The following TRRAP variants were observed in gnomAD, a reference collection of about 807,000 sequenced individuals.
TRRAP encodes the protein transformation/transcription domain-associated protein.
Under a neutral mutation model 438.8 loss-of-function variants are expected in TRRAP, and 41 were observed. The observed-to-expected ratio is 0.09, with a 90% CI of 0.07 to 0.12. The LOEUF is 0.12. TRRAP is among the 10% of genes least tolerant of loss of function. The pLI, the probability that TRRAP is intolerant of heterozygous loss-of-function variation, is 1.00. For synonymous variants in TRRAP, 1,994 were observed against 1,962.9 expected (o/e 1.02, Z -0.42); for missense variants, 3,122 against 5,055.1 (o/e 0.62, Z 11.60).
chr7:98,900,045 C>T (rs1278427981), intron 10 of TRRAP, among the ~76,000 whole-genome samples: 1 of 152,158 alleles, frequency 6.6e-6, no homozygotes, highest in Non-Finnish European at 1.5e-5. Context: ...CATGTCCAAG[C>T]CTTGCTCACC....
chr7:98,964,160 T>TAA (rs1792051624), intron 47 of TRRAP, among the ~76,000 whole-genome samples: 3 of 152,146 alleles, frequency 2.0e-5, no homozygotes, highest in Non-Finnish European at 4.4e-5. Context: ...AAGATAATTC[T>TAA]ACTCAGTGTT....
intron 12 of TRRAP, 89 bp from the exon 13 acceptor site, chr7:98,906,088 G>A (rs939547341): frequency 1.4e-5 from 16 of 1,165,578 alleles, no homozygotes; most frequent in Admixed American, 1.1e-4. Context: ...TCAGACTGGC[G>A]GGCTGGCTAC....
intron 10 of TRRAP, 121 bp from the exon 11 acceptor site, chr7:98,900,503 C>G: frequency 1.3e-6 from 1 of 743,544 alleles, no homozygotes; most frequent in Non-Finnish European, 2.2e-6. Context: ...GCTATTGTTG[C>G]TGTGTTGTTT....
Position 98,994,955 on chromosome 7 carries a change from G to A in TRRAP, c.10309+107G>A, listed in dbSNP as rs765274067. ...ATCCTTGGTTTTCTGATCACTGCAC[G>A]GGGCACACTGGTTACACTCTGTTTA... On this transcript the variant is annotated intron_variant, in intron 67 of 72. Transcript: ENST00000456197. This position sits in a 1 kb window ranked among gnomAD's most constrained non-coding sequence, Gnocchi z 4.8. 1.6e-4 allele frequency: 234 copies of A among 1,442,438 alleles called. No homozygotes were observed. The highest frequency in any genetic ancestry group is 4.6e-4 in the Admixed American group (24 of 51,872). The allele number at this position is 1,442,438 out of a possible 1,614,324, so 89.4% of individuals were successfully genotyped here.
chr7:99,004,970 C>T (rs569334852), intron 68 of TRRAP, among the ~76,000 whole-genome samples, 161 bp from the exon 69 acceptor site: 2 of 152,266 alleles, frequency 1.3e-5, no homozygotes, highest in Non-Finnish European at 2.9e-5. Flanking sequence ...GACTCATTTA[C>T]ACCGCATCAG....
chr7:98,986,182 T>TG (rs34547490), intron 62 of TRRAP, among the ~76,000 whole-genome samples: 22,334 of 152,208 alleles, frequency 0.15, 5,149 homozygotes, highest in African/African-American at 0.49. Context: ...TGTTTATCCA[T>TG]GCAGCAGTTG....
In TRRAP at chr7:99,006,380, A is replaced by G. The variant is rs572298366; in HGVS notation, c.10753+1032A>G. Among the ~76,000 whole-genome samples, 76 of 152,342 alleles carry G rather than the reference A, an allele frequency of 5.0e-4. 1 individual carries two copies. Among genetic ancestry groups the G allele is most frequent in the African/African-American group, 1.8e-3 (73 of 41,582 alleles). The stretch of plus-strand genomic sequence containing the variant: ...CAAAATAAGATTTTTTTAAAAGCCT[A>G]AAGAAAGCTCAAAATGCATCACAGA... On this transcript the variant is annotated intron_variant, in intron 69 of 72. Transcript: ENST00000456197.
At chr7:98,928,748 TTTTC>T (rs782302793) in intron 23 of TRRAP, among the ~76,000 whole-genome samples, 2 of 152,030 alleles carry the variant, frequency 1.3e-5, no homozygotes, top group African/African-American at 2.4e-5. Context: ...CCCATTGTGG[TTTTC>T]TTTATTTTTT....
intron 52 of TRRAP, 87 bp downstream of exon 52, chr7:98,970,378 C>G (rs1037277328): frequency 1.4e-5 from 21 of 1,484,744 alleles, no homozygotes; most frequent in Non-Finnish European, 1.7e-5. Flanking sequence ...GGAGGTGAGA[C>G]CCCGTGCCCC....
chr7:99,009,276 C>T (rs1329567854), intron 70 of TRRAP, among the ~76,000 whole-genome samples: 1 of 152,134 alleles, frequency 6.6e-6, no homozygotes, highest in Non-Finnish European at 1.5e-5. Flanking sequence ...GTGGTCCTTT[C>T]TATGGGTCCC....
chr7:98,902,055 G>A (rs949217008), intron 11 of TRRAP, among the ~76,000 whole-genome samples: 21 of 152,124 alleles, frequency 1.4e-4, no homozygotes, highest in African/African-American at 4.8e-4. Context: ...CTGTCTTTAC[G>A]GATTTGCCTG....
intron 67 of TRRAP, among the ~76,000 whole-genome samples, chr7:98,998,083 G>T (rs1368350759): frequency 1.3e-5 from 2 of 152,126 alleles, no homozygotes; most frequent in Non-Finnish European, 2.9e-5. Flanking sequence ...AGTACATCAG[G>T]CTCTCAGTAT....
At chr7:98,933,481 T>A in intron 27 of TRRAP, 79 bp downstream of exon 27, 1 of 1,513,714 alleles carries the variant, frequency 6.6e-7, no homozygotes, top group Non-Finnish European at 8.9e-7. Context: ...CGAAGACTGG[T>A]CAGGCAGCAT....
At chr7:98,888,433 A>T (rs1554404286) in intron 3 of TRRAP, among the ~76,000 whole-genome samples, 1 of 151,196 alleles carries the variant, frequency 6.6e-6, no homozygotes, top group East Asian at 1.9e-4. Flanking sequence ...GCTACTCGAG[A>T]GGCTGAGGCA....
chr7:98,937,910 C>A, intron 30 of TRRAP, 90 bp downstream of exon 30: 3 of 1,389,284 alleles, frequency 2.2e-6, no homozygotes, highest in Non-Finnish European at 2.8e-6. Flanking sequence ...CACAGTGGTT[C>A]ACGCCTGTAA....
chr7:98,910,810 G>T (rs1304816902), intron 16 of TRRAP, among the ~76,000 whole-genome samples: 2 of 151,990 alleles, frequency 1.3e-5, no homozygotes, highest in African/African-American at 4.8e-5. Context: ...TTTTTGAGGG[G>T]CAGATAGTGT....
At position 98,903,402 on chromosome 7, in the gene TRRAP, G is replaced by A; in HGVS notation, c.921G>A (p.Gln307=). ...IYQELVTKYS[Q]QMVKGMLQLL... The stretch of plus-strand genomic sequence containing the variant: ...AGGAGTTGGTGACTAAGTATTCTCA[G>A]CAGATGGTGAAAGGAATGCTCCAGT... Residue 307 remains glutamine, a synonymous_variant, in exon 12 of 73, where the codon CAG becomes CAA. Transcript: ENST00000456197. The A allele has an allele frequency of 6.2e-7, 1 of 1,614,202 alleles. No individual in the cohort carries two copies. The highest frequency in any genetic ancestry group is 8.5e-7 in the Non-Finnish European group (1 of 1,180,042).
Position 99,012,232 on chromosome 7 carries a change from G to C in TRRAP, c.11499G>C (p.Met3833Ile). 6.2e-7 allele frequency: 1 copy of C among 1,614,032 alleles called. No individual in the cohort carries two copies. Reference protein sequence around the residue: ...SLVQKAVTAIMTRLHNLAQFE... With the variant: ...SLVQKAVTAIITRLHNLAQFE... ...TTCAGAAAGCCGTCACCGCCATCAT[G>C]ACCCGCCTGCACAACCTCGCCCAGT... The change falls in exon 73 of 73, where the codon ATG (methionine) becomes ATC (isoleucine). Residue 3833 changes from methionine to isoleucine, a missense_variant. Coordinates refer to ENST00000456197, the MANE Select transcript of TRRAP (RefSeq NM_001375524.1). The surrounding 1 kb of genome is among the most constrained non-coding windows in gnomAD (Gnocchi z 5.9).
chr7:98,880,254 T>C (rs1795359225), intron 1 of TRRAP, among the ~76,000 whole-genome samples: 1 of 85,854 alleles, frequency 1.2e-5, no homozygotes, highest in African/African-American at 3.8e-5. Context: ...CGTTTTGTTG[T>C]TGTTGTTGTT....
Sources: gnomAD v4.1 joint callset for allele counts (sites outside exome capture counted in the v4.1 genomes callset) on GRCh38, gnomAD v4.1.1 for gene constraint, Gnocchi (gnomAD v3.1) non-coding constraint, MANE v1.5 for transcripts, NCBI Gene and HGNC (gene_info 2026-07-23, HGNC 2026-07-21) for gene names.